The following PEX5L variants were observed in gnomAD, a reference collection of about 807,000 sequenced individuals.
PEX5L encodes the protein peroxisomal biogenesis factor 5 like.
A neutral mutation model predicts 84.0 loss-of-function variants in PEX5L; 30 were observed. The ratio of observed to expected loss-of-function variants is 0.36; its 90% CI spans 0.27 to 0.48. The LOEUF is 0.48. PEX5L is among the 20% of genes least tolerant of loss of function. PEX5L has a pLI of 0.99. For missense variants in PEX5L, 533 were observed against 754.6 expected (o/e 0.71, Z 3.44); for synonymous variants, 270 against 283.1 (o/e 0.95, Z 0.46).
intron 9 of PEX5L, among the ~76,000 whole-genome samples, chr3:179,818,527 C>T (rs949253910): frequency 2.0e-5 from 3 of 152,044 alleles, no homozygotes; most frequent in African/African-American, 7.2e-5. Context: ...CTATAAAATA[C>T]TAGATTTTGT....
chr3:179,908,563 C>T (rs981178801), intron 2 of PEX5L, among the ~76,000 whole-genome samples: 1 of 152,026 alleles, frequency 6.6e-6, no homozygotes, highest in African/African-American at 2.4e-5. Flanking sequence ...TGGTGTGCTG[C>T]ACCCCTTAAC....
intron 8 of PEX5L, among the ~76,000 whole-genome samples, chr3:179,851,179 G>T (rs556134892): frequency 6.6e-6 from 1 of 152,296 alleles, no homozygotes; most frequent in East Asian, 1.9e-4. Context: ...CAGCCTGTTT[G>T]GGCTGGTATA....
chr3:179,826,580 T>C (rs1730577470), intron 8 of PEX5L, among the ~76,000 whole-genome samples: 1 of 152,170 alleles, frequency 6.6e-6, no homozygotes. Context: ...TAGGGCTCCT[T>C]TACCATGGGC....
At chr3:179,963,390 G>A (rs1203684758) in intron 2 of PEX5L, among the ~76,000 whole-genome samples, 1 of 152,070 alleles carries the variant, frequency 6.6e-6, no homozygotes, top group Admixed American at 6.6e-5. Context: ...AGTTTTCTTT[G>A]GAAGTACTTC....
intron 1 of PEX5L, among the ~76,000 whole-genome samples, chr3:180,026,133 CT>C (rs368852075): frequency 0.013 from 1,367 of 101,724 alleles, 6 homozygotes; most frequent in African/African-American, 0.033. Flanking sequence ...TTTCAGCATT[CT>C]TTTTTTTTTT....
At chr3:179,884,882 T>A (rs750408646) in intron 4 of PEX5L, among the ~76,000 whole-genome samples, 44 of 152,164 alleles carry the variant, frequency 2.9e-4, no homozygotes, top group Non-Finnish European at 4.3e-4. Flanking sequence ...AATTTAGAAC[T>A]TCTATGAGGC....
At chr3:179,986,337 G>A (rs1786814421) in intron 1 of PEX5L, among the ~76,000 whole-genome samples, 1 of 150,238 alleles carries the variant, frequency 6.7e-6, no homozygotes, top group African/African-American at 2.4e-5. Context: ...AATTCCTTGA[G>A]TTTGTTTGTA....
chr3:179,874,726 G>GTTCTTTTTTTTT, intron 6 of PEX5L, among the ~76,000 whole-genome samples: 1 of 45,204 alleles, frequency 2.2e-5, no homozygotes. Flanking sequence ...AAAAATTATG[G>GTTCTTTTTTTTT]TTTTTTTTTT....
chr3:179,946,908 T>C lies in PEX5L; in HGVS notation c.93+24686A>G, dbSNP rs190660684. On this transcript the variant is annotated intron_variant, in intron 2 of 14. Transcript: ENST00000467460. ...CTGCACTATACATGGATTTTTTGCA[T>C]TGACAAAAAGAGAAGAATCAATGAG... Among the ~76,000 whole-genome samples the C allele has an allele frequency of 3.3e-5, 5 of 152,364 alleles. No homozygotes were observed. The East Asian group carries it at 7.7e-4, about 23-fold the overall frequency.
At chr3:179,866,375 A>T (rs1004265986) in intron 7 of PEX5L, among the ~76,000 whole-genome samples, 1 of 152,202 alleles carries the variant, frequency 6.6e-6, no homozygotes, top group African/African-American at 2.4e-5. Flanking sequence ...CTGGAATCAG[A>T]TTGCCTGAGG....
At chr3:180,013,588 C>A (rs1311917743) in intron 1 of PEX5L, among the ~76,000 whole-genome samples, 1 of 152,096 alleles carries the variant, frequency 6.6e-6, no homozygotes, top group African/African-American at 2.4e-5. Flanking sequence ...CTTGGAACTA[C>A]AAAACATTTC....
rs1178375452 is a variant in PEX5L, at chr3:180,010,246, C to CTTTTTTT, written c.21+26326_21+26332dup. ...AGGCGTGAGCCACTGCACCCGGCCT[C>CTTTTTTT]TTTTTTTTTTTTTTTTTTTTCTGTA... On this transcript the variant is annotated intron_variant, in intron 1 of 14. Coordinates refer to ENST00000467460, the MANE Select transcript of PEX5L (RefSeq NM_016559.3). Among the ~76,000 whole-genome samples the CTTTTTTT allele has an allele frequency of 1.3e-3, 135 of 105,132 alleles. 5 individuals are homozygous for CTTTTTTT. The highest frequency in any genetic ancestry group is 4.6e-3 in the African/African-American group (107 of 23,078). The allele number at this position is 105,132 out of a possible 152,430, so 69.0% of individuals were successfully genotyped here. A position where few individuals can be genotyped will look rare whatever the true frequency, so the allele number is the denominator to read the frequency against.
At chr3:179,944,481 C>T (rs1046620001) in intron 2 of PEX5L, among the ~76,000 whole-genome samples, 6 of 152,114 alleles carry the variant, frequency 3.9e-5, no homozygotes, top group Non-Finnish European at 5.9e-5. Context: ...AAGACTGTTA[C>T]GAGGAATAAA....
chr3:180,024,359 T>C (rs1401780251), intron 1 of PEX5L, among the ~76,000 whole-genome samples: 1 of 119,834 alleles, frequency 8.3e-6, no homozygotes, highest in Non-Finnish European at 1.6e-5. Context: ...TATATATATA[T>C]ATATATATAT....
At chr3:179,852,718 T>C (rs1742381996) in intron 8 of PEX5L, among the ~76,000 whole-genome samples, 2 of 152,214 alleles carry the variant, frequency 1.3e-5, no homozygotes, top group Non-Finnish European at 2.9e-5. Context: ...CCTCATTTTT[T>C]CTCATTTACA....
At chr3:179,891,401 G>A (rs1757576669) in intron 3 of PEX5L, among the ~76,000 whole-genome samples, 1 of 152,238 alleles carries the variant, frequency 6.6e-6, no homozygotes, top group East Asian at 1.9e-4. Flanking sequence ...GGGCTCAAGC[G>A]TGAAAGACCA....
At chr3:179,813,750 C>G (rs1318429281) in intron 10 of PEX5L, among the ~76,000 whole-genome samples, 1 of 150,654 alleles carries the variant, frequency 6.6e-6, no homozygotes, top group East Asian at 2.0e-4. Flanking sequence ...AATCTCGGCT[C>G]ACTGCAAGCT....
intron 2 of PEX5L, among the ~76,000 whole-genome samples, chr3:179,903,140 A>C: frequency 6.6e-6 from 1 of 152,206 alleles, no homozygotes; most frequent in East Asian, 1.9e-4. Flanking sequence ...ATTAAGATCA[A>C]GCCTACAAGT....
At chr3:179,994,646 C>T (rs979901200) in intron 1 of PEX5L, among the ~76,000 whole-genome samples, 7 of 152,152 alleles carry the variant, frequency 4.6e-5, no homozygotes, top group Middle Eastern at 6.8e-3. Context: ...TCAACTTGAT[C>T]GAAGGATGCA....
Sources: gnomAD v4.1 joint callset for allele counts (sites outside exome capture counted in the v4.1 genomes callset) on GRCh38, gnomAD v4.1.1 for gene constraint, MANE v1.5 for transcripts, NCBI Gene and HGNC (gene_info 2026-07-23, HGNC 2026-07-21) for gene names.